Variants in COL4A3 observed in about 807,000 individuals in gnomAD.
COL4A3 encodes collagen type IV alpha 3 chain, also known as collagen alpha-3(IV) chain.
A neutral mutation model predicts 217.4 loss-of-function variants in COL4A3; 135 were observed. The observed-to-expected ratio is 0.62, with a 90% CI of 0.54 to 0.72. The LOEUF is 0.72. COL4A3 is among the 30% of genes least tolerant of loss of function. The pLI, the probability that COL4A3 is intolerant of heterozygous loss-of-function variation, is 0.00. For missense variants in COL4A3, 1,868 were observed against 2,119.9 expected (o/e 0.88, Z 2.33); for synonymous variants, 690 against 736.3 (o/e 0.94, Z 1.02).
At chr2:227,290,131 G>C (rs751046909) in intron 36 of COL4A3, 43 bp downstream of exon 36, 3 of 1,551,318 alleles carry the variant, frequency 1.9e-6, no homozygotes, top group Non-Finnish European at 2.7e-6. Context: ...GCTCATGATG[G>C]GTGAGGACTC....
intron 2 of COL4A3, among the ~76,000 whole-genome samples, chr2:227,238,524 T>C (rs1030782129): frequency 6.6e-6 from 1 of 152,146 alleles, no homozygotes; most frequent in Admixed American, 6.5e-5. Context: ...CATTGCAGAA[T>C]TCAAGAAAAA....
intron 47 of COL4A3, 142 bp from the exon 48 acceptor site, chr2:227,307,568 C>A: frequency 1.4e-6 from 1 of 704,342 alleles, no homozygotes; most frequent in Non-Finnish European, 2.5e-6. Context: ...TACTGTTTGG[C>A]CATTTTTATA....
intron 1 of COL4A3, among the ~76,000 whole-genome samples, chr2:227,177,105 C>T (rs1465589885): frequency 2.0e-5 from 3 of 151,524 alleles, no homozygotes; most frequent in Admixed American, 6.6e-5. Context: ...TTCCTCCTAA[C>T]AACAGACTGG....
chr2:227,177,558 T>TC (rs2065724239), intron 1 of COL4A3, among the ~76,000 whole-genome samples: 1 of 152,196 alleles, frequency 6.6e-6, no homozygotes, highest in African/African-American at 2.4e-5. Context: ...TTTGATCATT[T>TC]CCAATTATGT....
chr2:227,263,780 GATC>G lies in COL4A3; in HGVS notation c.1156_1158del (p.Ser386del), dbSNP rs1553755078. ...ACAAGAAATGATTATTTTCTCCAAGGATCATCAAGGCCTGGCCTCAGAGGAGCC... is the reference window on the plus strand; with the variant it reads ...ACAAGAAATGATTATTTTCTCCAAGGATCAAGGCCTGGCCTCAGAGGAGCC... On this transcript the variant is annotated inframe_deletion and splice_region_variant, in exon 21 of 52. Transcript: ENST00000396578. 1 of 1,613,272 alleles carries G rather than the reference GATC, an allele frequency of 6.2e-7. No homozygotes were observed. The highest frequency in any genetic ancestry group is 2.2e-5 in the East Asian group (1 of 44,854).
chr2:227,310,272 TTTTC>T (rs1313103314), intron 50 of COL4A3, among the ~76,000 whole-genome samples: 2 of 152,202 alleles, frequency 1.3e-5, no homozygotes, highest in Admixed American at 6.5e-5. Context: ...TCTTTTTTCT[TTTTC>T]TTTGTCTCTT....
intron 1 of COL4A3, among the ~76,000 whole-genome samples, chr2:227,201,700 A>C (rs2066693107): frequency 6.6e-6 from 1 of 152,210 alleles, no homozygotes; most frequent in Non-Finnish European, 1.5e-5. Context: ...CAACTGTAAA[A>C]CAGAAAGGAT....
intron 1 of COL4A3, among the ~76,000 whole-genome samples, chr2:227,226,615 A>G (rs2068108016): frequency 1.3e-5 from 2 of 152,042 alleles, no homozygotes; most frequent in South Asian, 4.1e-4. Flanking sequence ...GATTATAGGC[A>G]CTCAACATCA....
intron 1 of COL4A3, among the ~76,000 whole-genome samples, chr2:227,220,159 T>C (rs1162508091): frequency 6.7e-6 from 1 of 149,800 alleles, no homozygotes; most frequent in African/African-American, 2.5e-5. Flanking sequence ...TGTGTGTGTG[T>C]GTGTGTTTCA....
In COL4A3 at chr2:227,307,852, G is replaced by A. The variant is rs762966676; in HGVS notation, c.4395G>A (p.Val1465=). ...TAIPSCPEGT[V]PLYSGFSFLF... ...TTCCTTCATGTCCAGAGGGGACAGTGCCACTCTACAGTGGGTTTTCTTTTC... is the reference window on the plus strand; with the variant it reads ...TTCCTTCATGTCCAGAGGGGACAGTACCACTCTACAGTGGGTTTTCTTTTC... Residue 1465 remains valine, a synonymous_variant, in exon 48 of 52, where the codon GTG becomes GTA. Coordinates refer to ENST00000396578, the MANE Select transcript of COL4A3 (RefSeq NM_000091.5). 1 of 1,614,122 alleles carries A rather than the reference G, an allele frequency of 6.2e-7. No homozygotes were observed. Among genetic ancestry groups the A allele is most frequent in the South Asian group, 1.1e-5 (1 of 91,076 alleles).
At chr2:227,217,119 G>C (rs558034514) in intron 1 of COL4A3, among the ~76,000 whole-genome samples, 6 of 152,182 alleles carry the variant, frequency 3.9e-5, no homozygotes, top group Non-Finnish European at 7.4e-5. Flanking sequence ...ATGGTGAAAG[G>C]CATGTCTTAC....
chr2:227,231,446 T>C (rs1250676679), intron 1 of COL4A3, among the ~76,000 whole-genome samples: 1 of 152,162 alleles, frequency 6.6e-6, no homozygotes, highest in Non-Finnish European at 1.5e-5. Context: ...AGGCATGCAA[T>C]ATGAAATAAG....
At chr2:227,226,200 C>G (rs900685635) in intron 1 of COL4A3, among the ~76,000 whole-genome samples, 5 of 152,094 alleles carry the variant, frequency 3.3e-5, no homozygotes, top group Admixed American at 2.0e-4. Flanking sequence ...TGTTTGTCTT[C>G]CTTTTAAGAC....
At chr2:227,245,056 TG>T (rs1303852596) in intron 5 of COL4A3, 61 bp downstream of exon 5, 341 of 1,513,316 alleles carry the variant, frequency 2.3e-4, no homozygotes, top group Non-Finnish European at 3.0e-4. Context: ...TTAATAAAGA[TG>T]TTAAAACAGT....
At chr2:227,304,185 G>C (rs1337494877) in intron 46 of COL4A3, 41 bp downstream of exon 46, 1 of 1,612,468 alleles carries the variant, frequency 6.2e-7, no homozygotes, top group Non-Finnish European at 8.5e-7. Flanking sequence ...CTAGGAAGTG[G>C]TTGAACCAAA....
At chr2:227,195,501 T>C (rs191079592) in intron 1 of COL4A3, among the ~76,000 whole-genome samples, 1 of 152,310 alleles carries the variant, frequency 6.6e-6, no homozygotes, top group East Asian at 1.9e-4. Flanking sequence ...TTTATGGTAA[T>C]GCTAGTGTAA....
At chr2:227,197,094 T>C (rs2066510582) in intron 1 of COL4A3, among the ~76,000 whole-genome samples, 1 of 152,226 alleles carries the variant, frequency 6.6e-6, no homozygotes, top group Non-Finnish European at 1.5e-5. Flanking sequence ...GATGTGCCTT[T>C]CGCCTTCCGC....
chr2:227,259,992 C>A lies in COL4A3; in HGVS notation c.1114+115C>A, dbSNP rs1007696486. The stretch of plus-strand genomic sequence containing the variant: ...ATGGGTGAGGAAAGGGAACAGAGAT[C>A]TCTTCATTTTCATAAAGGTGTTATT... On this transcript the variant is annotated intron_variant, in intron 19 of 51. Coordinates refer to ENST00000396578, the MANE Select transcript of COL4A3 (RefSeq NM_000091.5). 5 of 806,250 alleles carry A rather than the reference C, an allele frequency of 6.2e-6. No individual in the cohort carries two copies. In the Admixed American group the frequency reaches 6.8e-5, roughly 11 times the overall value. The allele number at this position is 806,250 out of a possible 1,614,324, so 49.9% of individuals were successfully genotyped here. A position where few individuals can be genotyped will look rare whatever the true frequency, so the allele number is the denominator to read the frequency against.
chr2:227,205,608 G>A (rs1215423485), intron 1 of COL4A3, among the ~76,000 whole-genome samples: 1 of 151,770 alleles, frequency 6.6e-6, no homozygotes, highest in Non-Finnish European at 1.5e-5. Flanking sequence ...AAAATAACAT[G>A]GAAACAAGTA....
Sources: gnomAD v4.1 joint callset for allele counts (sites outside exome capture counted in the v4.1 genomes callset) on GRCh38, gnomAD v4.1.1 for gene constraint, MANE v1.5 for transcripts, NCBI Gene and HGNC (gene_info 2026-07-23, HGNC 2026-07-21) for gene names.